The following TNR variants were observed in gnomAD, a reference collection of about 807,000 sequenced individuals.
TNR encodes tenascin-R.
TNR carries 45 observed loss-of-function variants against 150.4 expected under a neutral mutation model. The observed-to-expected ratio is 0.30, with a 90% CI of 0.24 to 0.38. The LOEUF (loss-of-function observed/expected upper bound fraction) is 0.38, where lower values mean the gene tolerates loss of function less well. TNR is among the 10% of genes least tolerant of loss of function. The probability of loss-of-function intolerance (pLI) is 1.00; values close to 1 mark genes in which losing one functional copy is unlikely to be tolerated. For synonymous variants in TNR, 687 were observed against 678.4 expected, an observed-to-expected ratio of 1.01 and a Z score of -0.20; for missense variants, 1,544 against 1,759.1, an observed-to-expected ratio of 0.88 and a Z score of 2.19.
chr1:175,679,585 A>G (rs1056361993), intron 1 of TNR, among the ~76,000 whole-genome samples: 14 of 152,224 alleles, frequency 9.2e-5, no homozygotes, highest in African/African-American at 3.4e-4. Flanking sequence ...AGCAAGCTAC[A>G]AAAGACAAGC....
intron 2 of TNR, among the ~76,000 whole-genome samples, chr1:175,453,188 G>A (rs1181820278): frequency 6.6e-6 from 1 of 152,152 alleles, no homozygotes; most frequent in Non-Finnish European, 1.5e-5. Flanking sequence ...AATCTAGAGA[G>A]ACAAAGGAAA....
At chr1:175,713,329 A>C (rs1273896196) in intron 1 of TNR, among the ~76,000 whole-genome samples, 1 of 152,198 alleles carries the variant, frequency 6.6e-6, no homozygotes, top group African/African-American at 2.4e-5. Context: ...TAATACCATA[A>C]ACAACACTCT....
At chr1:175,469,895 G>A (rs948729988) in intron 2 of TNR, among the ~76,000 whole-genome samples, 1 of 152,100 alleles carries the variant, frequency 6.6e-6, no homozygotes, top group South Asian at 2.1e-4. Flanking sequence ...GCAGGAGAGA[G>A]TGAGGGCATC....
intron 18 of TNR, among the ~76,000 whole-genome samples, chr1:175,340,209 T>G (rs1228126272): frequency 6.6e-6 from 1 of 151,188 alleles, no homozygotes; most frequent in Non-Finnish European, 1.5e-5. Context: ...GGCAATGAGC[T>G]GGTTGGTGGG....
Position 175,454,701 on chromosome 1 carries a change from A to G in TNR, c.-63-47924T>C, listed in dbSNP as rs111516878. Among the ~76,000 whole-genome samples, 31 of 152,116 alleles carry G rather than the reference A, an allele frequency of 2.0e-4. No homozygotes were observed. The East Asian group carries it at 5.4e-3, about 27-fold the overall frequency. On this transcript the variant is annotated intron_variant, in intron 2 of 22. Transcript: ENST00000367674. ...TGGCCAGGCTGGTCTCGAACTCCTGACCTCAGGTGATCCACCCGCCTCGGC... is the reference window on the plus strand; with the variant it reads ...TGGCCAGGCTGGTCTCGAACTCCTGGCCTCAGGTGATCCACCCGCCTCGGC...
chr1:175,619,548 C>T (rs1312475996), intron 1 of TNR, among the ~76,000 whole-genome samples: 4 of 152,156 alleles, frequency 2.6e-5, no homozygotes, highest in Non-Finnish European at 5.9e-5. Context: ...AACAAGTATC[C>T]TCCACAGCTC....
rs566160438 is a variant in TNR, at chr1:175,414,712, G to T, written c.-63-7935C>A. Among the ~76,000 whole-genome samples, 12 of 152,288 alleles carry T rather than the reference G, an allele frequency of 7.9e-5. No homozygotes were observed. The East Asian group carries it at 9.7e-4, about 12-fold the overall frequency. ...GTGGGGAGAGACTTGGGTCACCCAG[G>T]TTGGCTGAAGCTTGTGTCCCACCTA... On this transcript the variant is annotated intron_variant, in intron 2 of 22. Transcript: ENST00000367674.
chr1:175,356,293 G>A (rs748527179), intron 16 of TNR, 26 bp downstream of exon 16: 15 of 1,612,572 alleles, frequency 9.3e-6, no homozygotes, highest in South Asian at 3.3e-5. Context: ...CCAGGGATAC[G>A]GGTATGTAGG....
chr1:175,483,606 G>C (rs1320950602), intron 2 of TNR, among the ~76,000 whole-genome samples: 2 of 152,188 alleles, frequency 1.3e-5, no homozygotes, highest in Non-Finnish European at 2.9e-5. Context: ...TCCTGAAGAG[G>C]AGAGAGAGAC....
intron 2 of TNR, among the ~76,000 whole-genome samples, chr1:175,433,791 A>G (rs1294895806): frequency 2.6e-5 from 4 of 152,224 alleles, no homozygotes; most frequent in African/African-American, 9.6e-5. Context: ...AAGCTCAAAG[A>G]ATATTCAGAA....
At chr1:175,594,903 G>A (rs1662949050) in intron 1 of TNR, among the ~76,000 whole-genome samples, 1 of 150,048 alleles carries the variant, frequency 6.7e-6, no homozygotes, top group African/African-American at 2.5e-5. Context: ...GGTGGCTCAA[G>A]CCTGTAATCC....
At chr1:175,418,546 A>G (rs1654609629) in intron 2 of TNR, among the ~76,000 whole-genome samples, 1 of 152,088 alleles carries the variant, frequency 6.6e-6, no homozygotes, top group South Asian at 2.1e-4. Context: ...ACATGGCAAA[A>G]CCCCACCTCT....
chr1:175,669,356 A>T (rs1665626573), intron 1 of TNR, among the ~76,000 whole-genome samples: 1 of 152,192 alleles, frequency 6.6e-6, no homozygotes, highest in African/African-American at 2.4e-5. Flanking sequence ...AACTGAATGA[A>T]AACCTCCAAG....
chr1:175,698,473 G>A (rs909013423), intron 1 of TNR, among the ~76,000 whole-genome samples: 4 of 152,128 alleles, frequency 2.6e-5, no homozygotes, highest in Admixed American at 6.5e-5. Flanking sequence ...GGAGACCAGC[G>A]GGCAGGGGCA....
At chr1:175,373,317 G>A (rs1652192199) in intron 9 of TNR, among the ~76,000 whole-genome samples, 1 of 152,316 alleles carries the variant, frequency 6.6e-6, no homozygotes, top group East Asian at 1.9e-4. Flanking sequence ...GGAGACCAGA[G>A]GTTTCATGGG....
chr1:175,468,010 C>T (rs72725416), intron 2 of TNR, among the ~76,000 whole-genome samples: 2,360 of 152,218 alleles, frequency 0.016, 28 homozygotes, highest in Middle Eastern at 0.024. Flanking sequence ...TGATATGATA[C>T]GGCAGCAGAG....
intron 1 of TNR, among the ~76,000 whole-genome samples, chr1:175,680,014 C>T (rs1665980984): frequency 6.6e-6 from 1 of 152,184 alleles, no homozygotes; most frequent in African/African-American, 2.4e-5. Flanking sequence ...CTAACTACAG[C>T]CTGGCCTTGG....
At chr1:175,352,877 T>C (rs1160827399) in intron 18 of TNR, among the ~76,000 whole-genome samples, 2 of 152,184 alleles carry the variant, frequency 1.3e-5, no homozygotes, top group Non-Finnish European at 2.9e-5. Context: ...TCTTGCTTTG[T>C]CATTTAGAAC....
chr1:175,582,972 G>GC (rs1226645612), intron 1 of TNR, among the ~76,000 whole-genome samples: 17 of 151,644 alleles, frequency 1.1e-4, no homozygotes, highest in Admixed American at 3.9e-4. Context: ...ATGCAAAAAA[G>GC]CCCCCCCAAC....
Sources: allele counts gnomAD v4.1 joint callset (sites outside exome capture counted in the v4.1 genomes callset), GRCh38; gene constraint gnomAD v4.1.1; transcripts MANE v1.5; gene names NCBI Gene and HGNC (gene_info 2026-07-23, HGNC 2026-07-21).